The following MAP4K1 variants were observed in gnomAD, a reference collection of about 807,000 sequenced individuals.
MAP4K1 encodes the protein mitogen-activated protein kinase kinase kinase kinase 1, also known as MAPK/ERK kinase kinase kinase 1.
In MAP4K1, 35 loss-of-function variants were observed where a neutral mutation model predicts 122.8. That is an observed-to-expected ratio of 0.29 (90% CI 0.22 to 0.38). The LOEUF (loss-of-function observed/expected upper bound fraction) is 0.38. MAP4K1 is among the 10% of genes least tolerant of loss of function. MAP4K1 has a pLI of 1.00. For synonymous variants in MAP4K1, 412 were observed against 421.3 expected, an observed-to-expected ratio of 0.98 and a Z score of 0.27; for missense variants, 791 against 1,072.6, an observed-to-expected ratio of 0.74 and a Z score of 3.67.
Position 38,587,702 on chromosome 19 carries a change from T to A in MAP4K1, c.*46A>T, listed in dbSNP as rs760305052. On this transcript the variant is annotated 3_prime_UTR_variant, in exon 31 of 31. Coordinates refer to ENST00000396857, the MANE Select transcript of MAP4K1 (RefSeq NM_001042600.3). ...CATGCCATGACCACTAGTGTGTCTA[T>A]GGGGGAGGGGGTGCAAGGACTAGTT... 7.1e-7 allele frequency: 1 copy of A among 1,414,478 alleles called. No individual in the cohort carries two copies. The highest frequency in any genetic ancestry group is 1.2e-5 in the South Asian group (1 of 86,828). 87.6% of individuals were successfully genotyped at this position (1,414,478 alleles called of 1,614,324 possible).
Position 38,617,436 on chromosome 19 carries a change from C to T in MAP4K1, c.166G>A (p.Val56Ile), listed in dbSNP as rs1215951660. 3 of 1,612,400 alleles carry T rather than the reference C, an allele frequency of 1.9e-6. No individual in the cohort carries two copies. In the African/African-American group the frequency reaches 4.0e-5, roughly 22 times the overall value. ...AGGATTTCCTTCTGAAGGGTGGAGA[C>T]ATCATCATCTGTGAGGAGGGCGGGA... is the stretch of plus-strand genomic sequence containing the variant. ...KMVKMEPDDD[V>I]STLQKEILIL... The change falls in exon 3 of 31, where the codon GTC becomes ATC. Residue 56 changes from valine to isoleucine, a missense_variant. Val to Ile is a conservative substitution (Grantham distance 29, BLOSUM62 3). Coordinates refer to ENST00000396857, the MANE Select transcript of MAP4K1 (RefSeq NM_001042600.3). The surrounding 1 kb of genome is among the most constrained non-coding windows in gnomAD (Gnocchi z 4.1).
At chr19:38,595,826 G>A in intron 27 of MAP4K1, 97 bp from the exon 28 acceptor site, 2 of 1,493,994 alleles carry the variant, frequency 1.3e-6, no homozygotes, top group Admixed American at 1.7e-5. Context: ...ATGTAGGACA[G>A]GGGCAAGGCC....
intron 19 of MAP4K1, 83 bp downstream of exon 19, chr19:38,605,326 C>G (rs1975291523): frequency 9.3e-7 from 1 of 1,072,686 alleles, no homozygotes; most frequent in Non-Finnish European, 1.4e-6. Flanking sequence ...TTGTTACTGT[C>G]AGTCCTGCCA....
chr19:38,617,601 G>A lies in MAP4K1; in HGVS notation c.124C>T (p.Leu42=), dbSNP rs1249294903. 1 of 1,614,108 alleles carries A rather than the reference G, an allele frequency of 6.2e-7. No individual in the cohort carries two copies. The highest frequency in any genetic ancestry group is 1.1e-5 in the South Asian group (1 of 91,068). ...FKARDKVSGD[L]VALKMVKMEP... ...ATCTTCACCATCTTCAGTGCCACCA[G>A]GTCCCCTGACACCTTGTCTCGAGCC... Residue 42 remains leucine (L), a synonymous_variant, in exon 2 of 31, where the codon CTG becomes TTG. Coordinates refer to ENST00000396857, the MANE Select transcript of MAP4K1 (RefSeq NM_001042600.3). This position sits in a 1 kb window ranked among gnomAD's most constrained non-coding sequence, Gnocchi z 4.1.
chr19:38,602,360 C>A (rs570266346), intron 19 of MAP4K1, among the ~76,000 whole-genome samples: 1 of 151,566 alleles, frequency 6.6e-6, no homozygotes, highest in Non-Finnish European at 1.5e-5. Context: ...CAGGCATGAG[C>A]CACTGTGCCT....
At chr19:38,603,389 CAT>C (rs889767766) in intron 19 of MAP4K1, among the ~76,000 whole-genome samples, 26 of 149,012 alleles carry the variant, frequency 1.7e-4, no homozygotes, top group African/African-American at 6.1e-4. Context: ...TACACATGTA[CAT>C]ATATATGCAT....
chr19:38,611,046 G>T lies in MAP4K1; in HGVS notation c.810+5C>A, dbSNP rs2144736679. ...GGCTGAGGATCTTGGGGAAGGGAGG[G>T]TTACACTGAGCATCTTGGTGGCGCT... is the stretch of plus-strand genomic sequence containing the variant. On this transcript the variant is annotated splice_donor_5th_base_variant and intron_variant, in intron 11 of 30. Coordinates refer to ENST00000396857, the MANE Select transcript of MAP4K1 (RefSeq NM_001042600.3). 6.2e-7 allele frequency: 1 copy of T among 1,609,738 alleles called. No individual in the cohort carries two copies. The highest frequency in any genetic ancestry group is 8.5e-7 in the Non-Finnish European group (1 of 1,177,282).
chr19:38,591,526 CAAA>C (rs5828010), intron 30 of MAP4K1, among the ~76,000 whole-genome samples: 5 of 66,690 alleles, frequency 7.5e-5, no homozygotes, highest in Non-Finnish European at 7.8e-5. Context: ...GACTCCATCT[CAAA>C]AAAAAAAAAA....
chr19:38,612,073 G>A (rs1030013963), intron 9 of MAP4K1, among the ~76,000 whole-genome samples: 1 of 151,832 alleles, frequency 6.6e-6, no homozygotes, highest in Admixed American at 6.6e-5. Context: ...ACTCCAGCCT[G>A]GGCAACAAGA....
intron 19 of MAP4K1, 51 bp downstream of exon 19, chr19:38,605,358 C>CCA: frequency 2.3e-6 from 3 of 1,309,030 alleles, no homozygotes; most frequent in Non-Finnish European, 3.2e-6. Flanking sequence ...CCCCACCAGG[C>CCA]ATCCCCAGCC....
intron 4 of MAP4K1, among the ~76,000 whole-genome samples, chr19:38,615,271 C>T (rs1975616258): frequency 6.6e-6 from 1 of 151,450 alleles, no homozygotes; most frequent in Non-Finnish European, 1.5e-5. Flanking sequence ...TGAGATTGGC[C>T]AGCATGGGGT....
rs1216252049 is a variant in MAP4K1, at chr19:38,615,892, C to T, written c.313+303G>A. ...CAAGCTGGTCTTGAACTCCTGACCT[C>T]AGGTGATCCGCCCACCTCGGCTTCC... On this transcript the variant is annotated intron_variant, in intron 4 of 30. Coordinates refer to ENST00000396857, the MANE Select transcript of MAP4K1 (RefSeq NM_001042600.3). 2.0e-5 allele frequency among the ~76,000 whole-genome samples: 3 copies of T among 151,186 alleles called. No homozygotes were observed. In the East Asian group the frequency reaches 5.8e-4, roughly 29 times the overall value.
At position 38,596,729 on chromosome 19, in the gene MAP4K1, A is replaced by G. The variant is rs181481148; in HGVS notation, c.1942-243T>C. 1.8e-4 allele frequency among the ~76,000 whole-genome samples: 28 copies of G among 152,288 alleles called. No homozygotes were observed. In the South Asian group the frequency reaches 2.9e-3, roughly 16 times the overall value. On this transcript the variant is annotated intron_variant, in intron 25 of 30. Transcript: ENST00000396857. ...GGCAGACGGGCAGGGCCCCAAAGAT[A>G]GCAAAACCTGCTTAGACACTCAAAG...
At chr19:38,616,049 A>G (rs943939947) in intron 4 of MAP4K1, 146 bp downstream of exon 4, 9 of 506,052 alleles carry the variant, frequency 1.8e-5, no homozygotes, top group Non-Finnish European at 3.1e-5. Context: ...AGGCAAGAGG[A>G]TCAGCTCAGC....
intron 29 of MAP4K1, 33 bp downstream of exon 29, chr19:38,595,452 G>A (rs1040206630): frequency 1.6e-5 from 26 of 1,608,096 alleles, no homozygotes; most frequent in Non-Finnish European, 2.2e-5. Context: ...AGGCTGGGGG[G>A]CAGTGATGTG....
intron 30 of MAP4K1, 53 bp from the exon 31 acceptor site, chr19:38,587,870 T>C: frequency 7.3e-7 from 1 of 1,367,566 alleles, no homozygotes; most frequent in Admixed American, 1.7e-5. Flanking sequence ...TGTTCATTGA[T>C]TCATTAATTC....
Position 38,595,668 on chromosome 19 carries a change from G to A in MAP4K1, c.2241C>T (p.Ile747=), listed in dbSNP as rs776860187. 1.2e-6 allele frequency: 2 copies of A among 1,613,356 alleles called. No individual in the cohort carries two copies. Among genetic ancestry groups the A allele is most frequent in the Non-Finnish European group, 1.7e-6 (2 of 1,179,632 alleles). The change falls in exon 28 of 31, where the codon ATC becomes ATT. Residue 747 remains isoleucine, a synonymous_variant. Coordinates refer to ENST00000396857, the MANE Select transcript of MAP4K1 (RefSeq NM_001042600.3). ...CGGCCTCCACCGCTTCGGTCATGGG[G>A]ATCTCAGGTGTGCGAAGTCCCCGGA... ...SPVRGLRTPE[I]PMTEAVEAVA...
At chr19:38,588,290 C>T (rs938792754) in intron 30 of MAP4K1, among the ~76,000 whole-genome samples, 1 of 152,034 alleles carries the variant, frequency 6.6e-6, no homozygotes, top group African/African-American at 2.4e-5. Context: ...GACAGTGACA[C>T]GATCAGATTT....
At chr19:38,609,807 GT>G in intron 12 of MAP4K1, 101 bp downstream of exon 12, 1 of 1,319,972 alleles carries the variant, frequency 7.6e-7, no homozygotes, top group South Asian at 1.3e-5. Flanking sequence ...CTCCCTCCCT[GT>G]TTTCCCCCTA....
Sources: allele counts gnomAD v4.1 joint callset (sites outside exome capture counted in the v4.1 genomes callset), GRCh38; gene constraint gnomAD v4.1.1; non-coding constraint Gnocchi (gnomAD v3.1); transcripts MANE v1.5; gene names NCBI Gene and HGNC (gene_info 2026-07-23, HGNC 2026-07-21).